ATRX: variants seen among roughly 807,000 people sequenced by gnomAD.
ATRX encodes the protein chromatin remodeler ATRX.
In ATRX, 12 loss-of-function variants were observed where a neutral mutation model predicts 172.6. The observed-to-expected ratio is 0.07, with a 90% CI of 0.04 to 0.11. The LOEUF is 0.11. Ranked by LOEUF, ATRX falls within the 10% of genes least tolerant of loss-of-function variation. The pLI is 1.00. For synonymous variants in ATRX, 674 were observed against 594.7 expected (o/e 1.13, Z -1.94); for missense variants, 1,368 against 1,767.4 (o/e 0.77, Z 4.05).
chrX:77,651,703 A>G (rs1466473358), intron 15 of ATRX, among the ~76,000 whole-genome samples: 1 of 110,723 alleles, frequency 9.0e-6, no homozygotes, highest in African/African-American at 3.3e-5. Context: ...ACTAAAAAAT[A>G]CAAAAATTAG....
chrX:77,635,461 G>A (rs782307303), intron 16 of ATRX, among the ~76,000 whole-genome samples: 1 of 111,323 alleles, frequency 9.0e-6, no homozygotes, highest in South Asian at 3.8e-4. Context: ...AAGGGGACTA[G>A]CAACTCAAAA....
chrX:77,785,970 G>C lies in ATRX; in HGVS notation c.20+12C>G. 1 of 1,193,041 alleles carries C rather than the reference G, an allele frequency of 8.4e-7. No homozygotes were observed. The highest frequency in any genetic ancestry group is 1.1e-6 in the Non-Finnish European group (1 of 886,149). ...AGACCGCTGGGGCCCATGAGACGGG[G>C]TTGCGTTTTACCTCATGGGCTCAGC... On this transcript the variant is annotated intron_variant, in intron 1 of 34. Transcript: ENST00000373344.
Position 77,698,489 on chromosome X carries a change from A to C in ATRX, c.189+85T>G, listed in dbSNP as rs1185455688. ...ACTGGGTATCAGTAGCCTTCGACAC[A>C]TACATGTGTCCAGAAGCAATCTAAA... On this transcript the variant is annotated intron_variant, in intron 3 of 34. Transcript: ENST00000373344. 8.1e-6 allele frequency: 7 copies of C among 863,724 alleles called. No homozygotes were observed. In the East Asian group the frequency reaches 2.2e-4, roughly 27 times the overall value. The allele number at this position is 863,724 out of a possible 1,213,427, so 71.2% of individuals were successfully genotyped here.
chrX:77,674,439 A>G (rs1355510535), intron 10 of ATRX: 1 of 111,402 alleles, frequency 9.0e-6, no homozygotes, highest in East Asian at 2.8e-4. Flanking sequence ...TCTTCTCAAA[A>G]GTACTCAACA....
Position 77,688,745 on chromosome X carries a change from T to A in ATRX, c.594+73A>T, listed in dbSNP as rs182637949. On this transcript the variant is annotated intron_variant, in intron 7 of 34. Coordinates refer to ENST00000373344, the MANE Select transcript of ATRX (RefSeq NM_000489.6). ...CCATTTTCATCTTTCTTCAAGACTGTGCCCTCAAAGGCCTGGTATATGGTA... is the reference window on the plus strand; with the variant it reads ...CCATTTTCATCTTTCTTCAAGACTGAGCCCTCAAAGGCCTGGTATATGGTA... 6.0e-6 allele frequency: 5 copies of A among 838,754 alleles called. No homozygotes were observed. In the African/African-American group the frequency reaches 1.0e-4, roughly 17 times the overall value. The allele number at this position is 838,754 out of a possible 1,213,427, so 69.1% of individuals were successfully genotyped here. A position where few individuals can be genotyped will look rare whatever the true frequency, so the allele number is the denominator to read the frequency against.
chrX:77,706,052 T>C (rs190369595), intron 2 of ATRX, among the ~76,000 whole-genome samples: 18 of 109,139 alleles, frequency 1.6e-4, no homozygotes, highest in Admixed American at 1.6e-3. Flanking sequence ...AGTGGTACAA[T>C]CATGGCTCAC....
intron 1 of ATRX, among the ~76,000 whole-genome samples, chrX:77,775,675 A>T (rs1418107087): frequency 9.0e-6 from 1 of 110,545 alleles, no homozygotes; most frequent in Admixed American, 9.8e-5. Context: ...ACAGAGTAAC[A>T]GCCTATCTCA....
chrX:77,604,866 G>A (rs1191505078), intron 22 of ATRX, among the ~76,000 whole-genome samples: 1 of 111,989 alleles, frequency 8.9e-6, no homozygotes, highest in African/African-American at 3.2e-5. Context: ...GATGGAACTG[G>A]AGGCCATTAT....
intron 30 of ATRX, among the ~76,000 whole-genome samples, chrX:77,544,352 C>T (rs1415567414): frequency 8.9e-6 from 1 of 111,734 alleles, no homozygotes; most frequent in Non-Finnish European, 1.9e-5. Flanking sequence ...ACAGCTCAAA[C>T]TCTAAAAGAG....
At chrX:77,774,270 A>C (rs1603342163) in intron 1 of ATRX, among the ~76,000 whole-genome samples, 1 of 111,325 alleles carries the variant, frequency 9.0e-6, no homozygotes, top group East Asian at 2.8e-4. Flanking sequence ...AATGAAATAT[A>C]ATGAGTGTTC....
At chrX:77,698,552 A>G (rs782719017) in intron 3 of ATRX, 22 bp downstream of exon 3, 1 of 1,186,517 alleles carries the variant, frequency 8.4e-7, no homozygotes, top group African/African-American at 1.8e-5. Context: ...ACTAACAAAT[A>G]TCTCTAAATA....
chrX:77,694,901 T>TGGG (rs45459992), intron 5 of ATRX, among the ~76,000 whole-genome samples: 2 of 27,789 alleles, frequency 7.2e-5, no homozygotes, highest in Non-Finnish European at 1.2e-4. Context: ...TCTGAAAGGG[T>TGGG]GGGGGGGGGG....
At chrX:77,784,468 T>C (rs1230197119) in intron 1 of ATRX, among the ~76,000 whole-genome samples, 1 of 112,448 alleles carries the variant, frequency 8.9e-6, no homozygotes, top group Non-Finnish European at 1.9e-5. Flanking sequence ...TAGTTTCAAA[T>C]GTAGACTTTG....
rs377679337 is a variant in ATRX, at chrX:77,620,379, A to G, written c.5272+16T>C. ...AATACCAATATTCTACTGCATAATC[A>G]GAGATATTAACTCACACTCAATTAG... is the stretch of plus-strand genomic sequence containing the variant. On this transcript the variant is annotated intron_variant, in intron 20 of 34. Transcript: ENST00000373344. 4.3e-5 allele frequency: 52 copies of G among 1,201,460 alleles called. No individual in the cohort carries two copies. The highest frequency in any genetic ancestry group is 5.9e-5 in the Non-Finnish European group (52 of 888,069).
intron 25 of ATRX, among the ~76,000 whole-genome samples, chrX:77,597,447 A>C (rs1254726873): frequency 1.8e-5 from 2 of 110,968 alleles, no homozygotes; most frequent in Non-Finnish European, 3.8e-5. Flanking sequence ...AAAACAAAAA[A>C]CAAACAAACA....
intron 3 of ATRX, among the ~76,000 whole-genome samples, chrX:77,697,839 A>G (rs2072270155): frequency 8.9e-6 from 1 of 111,879 alleles, no homozygotes; most frequent in Non-Finnish European, 1.9e-5. Flanking sequence ...ATTAAAACTA[A>G]TTCTCATTTA....
chrX:77,604,471 A>G (rs782218893), intron 22 of ATRX, among the ~76,000 whole-genome samples: 58 of 112,412 alleles, frequency 5.2e-4, no homozygotes, highest in Non-Finnish European at 1.1e-3. Flanking sequence ...TAGAATGGCT[A>G]TTATTAAAAA....
chrX:77,733,432 A>G (rs2148817707), intron 1 of ATRX, among the ~76,000 whole-genome samples: 1 of 111,558 alleles, frequency 9.0e-6, no homozygotes, highest in Non-Finnish European at 1.9e-5. Flanking sequence ...CCAAAACAGC[A>G]TGATTCTGGC....
intron 1 of ATRX, among the ~76,000 whole-genome samples, chrX:77,780,572 C>A (rs2076534074): frequency 9.1e-6 from 1 of 109,346 alleles, no homozygotes; most frequent in Non-Finnish European, 1.9e-5. Context: ...TCATGATCCA[C>A]CTGCCTCGGC....
Sources: gnomAD v4.1 joint callset for allele counts (sites outside exome capture counted in the v4.1 genomes callset) on GRCh38, gnomAD v4.1.1 for gene constraint, MANE v1.5 for transcripts, NCBI Gene and HGNC (gene_info 2026-07-23, HGNC 2026-07-21) for gene names.